Variants in MARCHF1 observed in about 807,000 individuals in gnomAD.
The protein encoded by MARCHF1 is E3 ubiquitin-protein ligase MARCHF1.
Under a neutral mutation model 54.2 loss-of-function variants are expected in MARCHF1, and 40 were observed. The ratio of observed to expected loss-of-function variants is 0.74; its 90% CI spans 0.57 to 0.96. The LOEUF is 0.96. Ranked by LOEUF, MARCHF1 falls within the 40% of genes least tolerant of loss-of-function variation. MARCHF1 has a pLI of 0.00. For synonymous variants in MARCHF1, 236 were observed against 236.3 expected (o/e 1.00, Z 0.01); for missense variants, 586 against 656.5 (o/e 0.89, Z 1.17).
At chr4:163,997,103 A>T (rs1163901083) in intron 2 of MARCHF1, among the ~76,000 whole-genome samples, 1 of 152,030 alleles carries the variant, frequency 6.6e-6, no homozygotes. Context: ...CAAATCCAAG[A>T]GAAACAGCCA....
At chr4:163,748,647 C>A (rs1254542810) in intron 4 of MARCHF1, among the ~76,000 whole-genome samples, 1 of 152,196 alleles carries the variant, frequency 6.6e-6, no homozygotes, top group African/African-American at 2.4e-5. Context: ...GTTACTAGAT[C>A]TGGCCCATTG....
At chr4:163,564,587 A>C (rs991101621) in intron 8 of MARCHF1, among the ~76,000 whole-genome samples, 16 of 152,352 alleles carry the variant, frequency 1.1e-4, no homozygotes, top group African/African-American at 3.8e-4. Flanking sequence ...GAGAAAAAAG[A>C]GTCTTGTAAA....
intron 1 of MARCHF1, among the ~76,000 whole-genome samples, chr4:164,286,291 G>T (rs570185674): frequency 6.6e-6 from 1 of 152,188 alleles, no homozygotes; most frequent in East Asian, 1.9e-4. Flanking sequence ...AATGTTTCCT[G>T]CTCTGTATGA....
At chr4:163,762,713 T>C (rs1234556608) in intron 4 of MARCHF1, among the ~76,000 whole-genome samples, 1 of 152,120 alleles carries the variant, frequency 6.6e-6, no homozygotes, top group Non-Finnish European at 1.5e-5. Flanking sequence ...AATGTATCTA[T>C]GATGCATTTG....
At chr4:164,017,443 A>C in intron 2 of MARCHF1, among the ~76,000 whole-genome samples, 1 of 152,044 alleles carries the variant, frequency 6.6e-6, no homozygotes, top group East Asian at 1.9e-4. Flanking sequence ...ACAGAAAGAA[A>C]TTACAATTAA....
rs55675178 is a variant in MARCHF1 at position 163,975,164 on chromosome 4, GCTCTCTCTCTCTCT to G, written c.-39+13323_-39+13336del. On this transcript the variant is annotated intron_variant, in intron 3 of 9. Coordinates refer to ENST00000514618, the MANE Select transcript of MARCHF1 (RefSeq NM_001394959.1). ...ACATAAGCCAATTTCTCATAATAAA[GCTCTCTCTCTCTCT>G]CTCTCTCTCTCTCTCTCTCACACAC... Among the ~76,000 whole-genome samples, 146 of 127,176 alleles carry G rather than the reference GCTCTCTCTCTCTCT, an allele frequency of 1.1e-3. No homozygotes were observed. In the Middle Eastern group the frequency reaches 0.012, roughly 10 times the overall value. 83.4% of individuals were successfully genotyped at this position (127,176 alleles called of 152,430 possible).
intron 4 of MARCHF1, among the ~76,000 whole-genome samples, chr4:163,802,348 C>G (rs1422929839): frequency 6.6e-6 from 1 of 151,742 alleles, no homozygotes; most frequent in Non-Finnish European, 1.5e-5. Flanking sequence ...CTGCTAGGTA[C>G]AAAGCAGACA....
At chr4:164,219,175 G>A (rs1732020810) in intron 1 of MARCHF1, among the ~76,000 whole-genome samples, 1 of 152,028 alleles carries the variant, frequency 6.6e-6, no homozygotes, top group Admixed American at 6.6e-5. Context: ...TTATAGTGGT[G>A]CTGAAGAATA....
At chr4:163,683,492 G>A (rs992454075) in intron 5 of MARCHF1, among the ~76,000 whole-genome samples, 11 of 152,172 alleles carry the variant, frequency 7.2e-5, no homozygotes, top group Admixed American at 5.2e-4. Flanking sequence ...TTTGGAAGCT[G>A]TAGAGACTAG....
In MARCHF1 at chr4:164,204,219, T is replaced by A. The variant is rs1187205175; in HGVS notation, c.-322-92557A>T. ...CAAAAATTCTCAGATTTAACGTCAT[T>A]TCATCAAAGTAAAAAACAACAAACT... On this transcript the variant is annotated intron_variant, in intron 1 of 9. Coordinates refer to ENST00000514618, the MANE Select transcript of MARCHF1 (RefSeq NM_001394959.1). Among the ~76,000 whole-genome samples, 10 of 152,314 alleles carry A rather than the reference T, an allele frequency of 6.6e-5. No individual in the cohort carries two copies. The East Asian group carries it at 1.7e-3, about 26-fold the overall frequency.
intron 1 of MARCHF1, among the ~76,000 whole-genome samples, chr4:164,176,417 GT>G (rs1254481361): frequency 6.6e-6 from 1 of 151,928 alleles, no homozygotes; most frequent in Non-Finnish European, 1.5e-5. Context: ...TGCTATGGAT[GT>G]TTTTTTCTGT....
chr4:163,991,485 C>T (rs376128008), intron 2 of MARCHF1, among the ~76,000 whole-genome samples: 1 of 152,100 alleles, frequency 6.6e-6, no homozygotes, highest in Non-Finnish European at 1.5e-5. Context: ...TGGGGTGACT[C>T]ATTATGTAAC....
At chr4:164,036,102 C>CAAAAAAAAAAAAAAAAAAA (rs34183134) in intron 2 of MARCHF1, among the ~76,000 whole-genome samples, 1 of 82,904 alleles carries the variant, frequency 1.2e-5, no homozygotes, top group Admixed American at 1.4e-4. Flanking sequence ...GATTCTGTCT[C>CAAAAAAAAAAAAAAAAAAA]AAAAAAAAAA....
chr4:164,002,139 T>C (rs891190221), intron 2 of MARCHF1, among the ~76,000 whole-genome samples: 13 of 151,728 alleles, frequency 8.6e-5, no homozygotes, highest in African/African-American at 2.9e-4. Flanking sequence ...TAAGGAAAGA[T>C]AACAAAATCC....
chr4:163,859,416 A>C (rs1251648691), intron 3 of MARCHF1, among the ~76,000 whole-genome samples: 1 of 151,022 alleles, frequency 6.6e-6, no homozygotes, highest in African/African-American at 2.4e-5. Flanking sequence ...GTTGAGTGCA[A>C]TGGCGTGATC....
chr4:163,964,568 G>T (rs1459515267), intron 3 of MARCHF1, among the ~76,000 whole-genome samples: 1 of 151,960 alleles, frequency 6.6e-6, no homozygotes, highest in African/African-American at 2.4e-5. Flanking sequence ...GGGAACCCTG[G>T]CTTAAGATAA....
At chr4:164,201,085 A>C (rs1161632811) in intron 1 of MARCHF1, among the ~76,000 whole-genome samples, 2 of 152,250 alleles carry the variant, frequency 1.3e-5, no homozygotes, top group Non-Finnish European at 2.9e-5. Context: ...TGCTGAAAGC[A>C]ACTCTTATTT....
intron 1 of MARCHF1, among the ~76,000 whole-genome samples, chr4:164,342,823 A>C (rs1041767027): frequency 6.6e-6 from 1 of 152,134 alleles, no homozygotes; most frequent in Non-Finnish European, 1.5e-5. Flanking sequence ...AAAGAAGGAA[A>C]TGTTGCAATG....
At chr4:163,769,394 C>T (rs894840151) in intron 4 of MARCHF1, among the ~76,000 whole-genome samples, 1 of 152,108 alleles carries the variant, frequency 6.6e-6, no homozygotes, top group African/African-American at 2.4e-5. Flanking sequence ...GAATGTTTTC[C>T]ATGGGTCTAG....
Sources: allele counts gnomAD v4.1 joint callset (sites outside exome capture counted in the v4.1 genomes callset), GRCh38; gene constraint gnomAD v4.1.1; transcripts MANE v1.5; gene names NCBI Gene and HGNC (gene_info 2026-07-23, HGNC 2026-07-21).